Variants in PTPN11 observed in about 807,000 individuals in gnomAD.
The protein encoded by PTPN11 is tyrosine-protein phosphatase non-receptor type 11.
Under a neutral mutation model 78.8 loss-of-function variants are expected in PTPN11, and 6 were observed. The ratio of observed to expected loss-of-function variants is 0.08; its 90% CI spans 0.04 to 0.15. The LOEUF is 0.15. PTPN11 is among the 10% of genes least tolerant of loss of function. The pLI, the probability that PTPN11 is intolerant of heterozygous loss-of-function variation, is 1.00. For missense variants in PTPN11, 386 were observed against 744.8 expected (o/e 0.52, Z 5.61); for synonymous variants, 221 against 263.5 (o/e 0.84, Z 1.56).
At chr12:112,478,170 G>A (rs2038538921) in intron 9 of PTPN11, among the ~76,000 whole-genome samples, 155 bp downstream of exon 9, 1 of 152,160 alleles carries the variant, frequency 6.6e-6, no homozygotes, top group South Asian at 2.1e-4. Context: ...GTTATTCCTT[G>A]GTGTAGTTTT....
intron 2 of PTPN11, among the ~76,000 whole-genome samples, chr12:112,447,459 A>T (rs1401926115): frequency 6.6e-6 from 1 of 152,052 alleles, no homozygotes; most frequent in East Asian, 1.9e-4. Flanking sequence ...TCATTTTGCA[A>T]CTTAAAAATT....
At chr12:112,480,939 C>T (rs1371753909) in intron 9 of PTPN11, among the ~76,000 whole-genome samples, 1 of 152,216 alleles carries the variant, frequency 6.6e-6, no homozygotes, top group African/African-American at 2.4e-5. Flanking sequence ...ACAAACTCAT[C>T]TCTTACTGAG....
chr12:112,486,398 G>C (rs758036340), intron 10 of PTPN11, 77 bp from the exon 11 acceptor site: 13 of 1,431,612 alleles, frequency 9.1e-6, no homozygotes, highest in Non-Finnish European at 1.2e-5. Context: ...TTGGATTTAG[G>C]AAAGCTTAGA....
chr12:112,498,558 A>G (rs927552857), intron 13 of PTPN11, among the ~76,000 whole-genome samples: 1 of 152,148 alleles, frequency 6.6e-6, no homozygotes, highest in Non-Finnish European at 1.5e-5. Context: ...ATACCAGATG[A>G]TTTTGGAGTC....
intron 1 of PTPN11, among the ~76,000 whole-genome samples, chr12:112,420,793 T>G (rs2037512593): frequency 6.6e-6 from 1 of 152,212 alleles, no homozygotes; most frequent in African/African-American, 2.4e-5. Flanking sequence ...GGCAAGTGCT[T>G]ACAGATCTGG....
intron 9 of PTPN11, among the ~76,000 whole-genome samples, chr12:112,479,681 C>T (rs2038564025): frequency 6.6e-6 from 1 of 152,182 alleles, no homozygotes; most frequent in South Asian, 2.1e-4. Context: ...CCTTCATCCT[C>T]CTTTTTGCCT....
Position 112,507,283 on chromosome 12 carries a change from T to G in PTPN11, c.*1491T>G, listed in dbSNP as rs1752497774. 6.5e-6 allele frequency: 1 copy of G among 152,756 alleles called. No individual in the cohort carries two copies. Among genetic ancestry groups the G allele is most frequent in the African/African-American group, 2.4e-5 (1 of 41,480 alleles). 9.5% of individuals were successfully genotyped at this position (152,756 alleles called of 1,614,324 possible). A position where few individuals can be genotyped will look rare whatever the true frequency, so the allele number is the denominator to read the frequency against. Reference sequence around the variant, plus strand: ...AAGAAGCTTCCTGAATGATTTCTGCTAGCCCTGAGCCTATTTTTGGAACCA... The same window carrying G: ...AAGAAGCTTCCTGAATGATTTCTGCGAGCCCTGAGCCTATTTTTGGAACCA... On this transcript the variant is annotated 3_prime_UTR_variant, in exon 16 of 16. Coordinates refer to ENST00000351677, the MANE Select transcript of PTPN11 (RefSeq NM_002834.5).
At chr12:112,461,862 A>AT (rs1281983469) in intron 6 of PTPN11, among the ~76,000 whole-genome samples, 1 of 152,034 alleles carries the variant, frequency 6.6e-6, no homozygotes, top group East Asian at 1.9e-4. Flanking sequence ...ATTTTTACTA[A>AT]CCTCATTGAT....
At chr12:112,456,090 G>A (rs754195366) in intron 6 of PTPN11, 27 bp downstream of exon 6, 11 of 1,445,560 alleles carry the variant, frequency 7.6e-6, no homozygotes, top group South Asian at 2.3e-5. Flanking sequence ...CTGTTTTTAC[G>A]TGAGTTGTTA....
At position 112,459,868 on chromosome 12, in the gene PTPN11, C is replaced by T. The variant is rs139404581; in HGVS notation, c.756+3805C>T. Among the ~76,000 whole-genome samples, 52 of 151,770 alleles carry T rather than the reference C, an allele frequency of 3.4e-4. 1 individual carries two copies. The East Asian group carries it at 8.7e-3, about 25-fold the overall frequency. On this transcript the variant is annotated intron_variant, in intron 6 of 15. Transcript: ENST00000351677. ...ATATCTAAAACTATTAACAGTATTT[C>T]CTTAATATTAACACATATCAGTCAC...
intron 1 of PTPN11, among the ~76,000 whole-genome samples, chr12:112,430,330 C>T (rs552083214): frequency 2.6e-5 from 4 of 152,216 alleles, no homozygotes; most frequent in Admixed American, 6.5e-5. Context: ...ATTATCAGAG[C>T]CAGTTCATAA....
At chr12:112,434,934 G>A (rs1017195651) in intron 1 of PTPN11, among the ~76,000 whole-genome samples, 3 of 151,766 alleles carry the variant, frequency 2.0e-5, no homozygotes, top group African/African-American at 4.8e-5. Context: ...CTACAGGCAC[G>A]CACCACCATG....
intron 7 of PTPN11, among the ~76,000 whole-genome samples, chr12:112,474,475 C>T (rs990302477): frequency 5.9e-5 from 9 of 152,178 alleles, no homozygotes; most frequent in Middle Eastern, 3.4e-3. Context: ...GCCTCAGCCT[C>T]CCAAACTGTT....
At chr12:112,453,426 A>G (rs375674942) in intron 4 of PTPN11, 39 bp downstream of exon 4, 7 of 1,577,976 alleles carry the variant, frequency 4.4e-6, no homozygotes, top group Non-Finnish European at 6.1e-6. Flanking sequence ...GCAAGATGTT[A>G]CCTTTGGGTG....
chr12:112,504,776 A>G lies in PTPN11; in HGVS notation c.*12A>G. On this transcript the variant is annotated 3_prime_UTR_variant, in exon 15 of 16. Coordinates refer to ENST00000351677, the MANE Select transcript of PTPN11 (RefSeq NM_002834.5). This position sits in a 1 kb window ranked among gnomAD's most constrained non-coding sequence, Gnocchi z 4.7. ...AAAGTTTCAGATGAGAAAACCTGCCAAAACTTCAGCACAGAAATAGGTATT... is the reference window on the plus strand; with the variant it reads ...AAAGTTTCAGATGAGAAAACCTGCCGAAACTTCAGCACAGAAATAGGTATT... The G allele has an allele frequency of 6.4e-7, 1 of 1,552,780 alleles. No individual in the cohort carries two copies. Among genetic ancestry groups the G allele is most frequent in the Non-Finnish European group, 8.9e-7 (1 of 1,124,370 alleles).
At chr12:112,443,211 A>G (rs956689381) in intron 1 of PTPN11, among the ~76,000 whole-genome samples, 2 of 152,046 alleles carry the variant, frequency 1.3e-5, no homozygotes, top group African/African-American at 4.8e-5. Context: ...AAACAACAAC[A>G]AAAACTGTTC....
chr12:112,421,440 A>G (rs2037520654), intron 1 of PTPN11, among the ~76,000 whole-genome samples: 1 of 151,968 alleles, frequency 6.6e-6, no homozygotes, highest in Non-Finnish European at 1.5e-5. Flanking sequence ...TTCTGTCACT[A>G]TGTATTAGTT....
chr12:112,442,862 A>ATC (rs2037925592), intron 1 of PTPN11, among the ~76,000 whole-genome samples: 1 of 79,658 alleles, frequency 1.3e-5, no homozygotes, highest in African/African-American at 5.8e-5. Flanking sequence ...ATATATATAT[A>ATC]TATATATATA....
chr12:112,462,782 A>G (rs2038267739), intron 6 of PTPN11, among the ~76,000 whole-genome samples: 1 of 152,138 alleles, frequency 6.6e-6, no homozygotes, highest in Non-Finnish European at 1.5e-5. Flanking sequence ...TTTACTGTAT[A>G]GTAATCCACT....
Sources: gnomAD v4.1 joint callset for allele counts (sites outside exome capture counted in the v4.1 genomes callset) on GRCh38, gnomAD v4.1.1 for gene constraint, Gnocchi (gnomAD v3.1) non-coding constraint, MANE v1.5 for transcripts, NCBI Gene and HGNC (gene_info 2026-07-23, HGNC 2026-07-21) for gene names.